MXRA5: variants seen among roughly 807,000 people sequenced by gnomAD.
MXRA5 encodes the protein matrix remodeling associated 5, also known as matrix-remodeling-associated protein 5.
A neutral mutation model predicts 112.5 loss-of-function variants in MXRA5; 41 were observed. The ratio of observed to expected loss-of-function variants is 0.36; its 90% CI spans 0.28 to 0.47. The LOEUF (loss-of-function observed/expected upper bound fraction) is 0.47, where lower values mean the gene tolerates loss of function less well. Among genes scored for constraint, MXRA5 ranks in the 20% least tolerant of loss-of-function variants. The pLI, the probability that MXRA5 is intolerant of heterozygous loss-of-function variation, is 0.99. For synonymous variants in MXRA5, 862 were observed against 900.8 expected (o/e 0.96, Z 0.77); for missense variants, 2,150 against 2,251.0 (o/e 0.96, Z 0.91).
In MXRA5 at chrX:3,317,435, C is replaced by A. The variant is rs1203420931; in HGVS notation, c.6246G>T (p.Val2082=). The A allele has an allele frequency of 6.7e-6, 8 of 1,196,728 alleles. No individual in the cohort carries two copies. The highest frequency in any genetic ancestry group is 1.7e-5 in the African/African-American group (1 of 57,265). The change falls in exon 6 of 7, where the codon GTG becomes GTT. Residue 2082 remains valine (V), a synonymous_variant. Coordinates refer to ENST00000217939, the MANE Select transcript of MXRA5 (RefSeq NM_015419.4). The part of the protein sequence containing the change: ...KAAPLPSVRW[V]LGDGTQIRPS... ...GGCGGATCTGGGTACCGTCCCCGAGCACCCAGCGCACGCTGGGCAGGGGCG... is the reference window on the plus strand; with the variant it reads ...GGCGGATCTGGGTACCGTCCCCGAGAACCCAGCGCACGCTGGGCAGGGGCG...
intron 2 of MXRA5, among the ~76,000 whole-genome samples, chrX:3,336,760 T>C (rs772838370): frequency 6.2e-4 from 70 of 112,377 alleles, no homozygotes; most frequent in Non-Finnish European, 1.5e-4. Context: ...GCCTTCAGGA[T>C]GTAGTGGGCT....
chrX:3,327,809 C>A (rs1343476256), intron 4 of MXRA5, among the ~76,000 whole-genome samples: 1 of 113,068 alleles, frequency 8.8e-6, no homozygotes, highest in East Asian at 2.8e-4. Context: ...GGATTGCAAT[C>A]TTCAGAAATG....
chrX:3,338,834 GATAC>G (rs1921844159), intron 2 of MXRA5, among the ~76,000 whole-genome samples: 1 of 110,275 alleles, frequency 9.1e-6, no homozygotes, highest in Admixed American at 9.7e-5. Context: ...ATGATAGATA[GATAC>G]ATAGATAGGT....
rs1209696540 is a variant in MXRA5 at position 3,309,599 on chromosome X, C to T, written c.*117G>A. ...AAGATCAACCTCAACTTGAAACCCA[C>T]CAGAGGCCACCATGCACTGTGACAC... On this transcript the variant is annotated 3_prime_UTR_variant, in exon 7 of 7. Transcript: ENST00000217939. The T allele has an allele frequency of 4.9e-6, 3 of 609,288 alleles. No homozygotes were observed. The African/African-American group carries it at 6.9e-5, about 14-fold the overall frequency. The allele number at this position is 609,288 out of a possible 1,213,427, so 50.2% of individuals were successfully genotyped here. A position where few individuals can be genotyped will look rare whatever the true frequency, so the allele number is the denominator to read the frequency against.
intron 2 of MXRA5, among the ~76,000 whole-genome samples, chrX:3,338,006 G>A (rs954284999): frequency 1.6e-4 from 18 of 111,397 alleles, no homozygotes; most frequent in African/African-American, 5.9e-4. Flanking sequence ...AGAATCTAAG[G>A]GGAGAATAGG....
Position 3,317,662 on chromosome X carries a change from T to G in MXRA5, c.6019A>C (p.Asn2007His), listed in dbSNP as rs1921185417. Residue 2007 changes from asparagine (N) to histidine (H), a missense_variant, in exon 6 of 7, where the codon AAC (asparagine) becomes CAC (histidine). Physicochemically the swap from Asn to His is moderately conservative, Grantham distance 68. Transcript: ENST00000217939. ...GCCTCCTTGATGGAAAGGGTCCGGTTTTCGTGCAGGGTGATGCGGCCCTCC... is the reference window on the plus strand; with the variant it reads ...GCCTCCTTGATGGAAAGGGTCCGGTGTTCGTGCAGGGTGATGCGGCCCTCC... ...PVEGRITLHE[N>H]RTLSIKEASF... The G allele has an allele frequency of 8.3e-7, 1 of 1,203,065 alleles. No homozygotes were observed. The highest frequency in any genetic ancestry group is 1.7e-5 in the African/African-American group (1 of 57,203).
At chrX:3,330,591 T>A in intron 3 of MXRA5, 53 bp downstream of exon 3, 1 of 1,181,125 alleles carries the variant, frequency 8.5e-7, no homozygotes, top group Non-Finnish European at 1.1e-6. Context: ...TATTCTTTAT[T>A]ACTGGTCTTA....
In MXRA5 at chrX:3,317,325, C is replaced by A; in HGVS notation, c.6356G>T (p.Arg2119Leu). The change falls in exon 6 of 7, where the codon CGC (arginine) becomes CTC (leucine). Residue 2119 changes from arginine (R) to leucine (L), a missense_variant. By Grantham distance (102) the Arg-to-Leu change is moderately radical. This residue lies in a region of MXRA5 where 1,485 missense variants were observed against 1,471.6 expected (regional missense o/e 1.01). Coordinates refer to ENST00000217939, the MANE Select transcript of MXRA5 (RefSeq NM_015419.4). ...IRNLAPKDSG[R>L]YECVAANLVG... Reference sequence around the variant, plus strand: ...CAGGTTGGCGGCCACGCACTCATAGCGCCCGCTGTCCTTGGGCGCGAGGTT... The same window carrying A: ...CAGGTTGGCGGCCACGCACTCATAGAGCCCGCTGTCCTTGGGCGCGAGGTT... The A allele has an allele frequency of 8.3e-7, 1 of 1,207,005 alleles. No individual in the cohort carries two copies. Among genetic ancestry groups the A allele is most frequent in the Non-Finnish European group, 1.1e-6 (1 of 893,102 alleles).
chrX:3,321,775 A>G lies in MXRA5; in HGVS notation c.3910T>C (p.Ser1304Pro). 1.7e-6 allele frequency: 2 copies of G among 1,210,820 alleles called. No homozygotes were observed. Among genetic ancestry groups the G allele is most frequent in the Non-Finnish European group, 2.2e-6 (2 of 894,805 alleles). Reference protein sequence around the residue: ...DYMTTTRKIYSSYPKVQETLP... With the variant: ...DYMTTTRKIYPSYPKVQETLP... Reference sequence around the variant, plus strand: ...GTCTCTTGGACTTTAGGGTAAGATGAATATATTTTTCTGGTGGTTGTCATG... The same window carrying G: ...GTCTCTTGGACTTTAGGGTAAGATGGATATATTTTTCTGGTGGTTGTCATG... The change falls in exon 5 of 7, where the codon TCA becomes CCA. Residue 1304 changes from serine (S) to proline (P), a missense_variant. This residue lies in a region of MXRA5 where 1,485 missense variants were observed against 1,471.6 expected (regional missense o/e 1.01). Transcript: ENST00000217939.
At chrX:3,333,032 G>A (rs1921703321) in intron 2 of MXRA5, among the ~76,000 whole-genome samples, 1 of 110,825 alleles carries the variant, frequency 9.0e-6, no homozygotes, top group East Asian at 2.8e-4. Flanking sequence ...GCTGGGCATG[G>A]CAGCTCATGC....
At chrX:3,315,380 A>AGAAG (rs1454223938) in intron 6 of MXRA5, among the ~76,000 whole-genome samples, 1 of 39,116 alleles carries the variant, frequency 2.6e-5, no homozygotes, top group Non-Finnish European at 4.8e-5. Flanking sequence ...TAGAATAGAT[A>AGAAG]GATAGATAGA....
At chrX:3,329,971 A>G in intron 4 of MXRA5, 47 bp downstream of exon 4, 3 of 1,155,606 alleles carry the variant, frequency 2.6e-6, no homozygotes, top group Non-Finnish European at 3.5e-6. Flanking sequence ...CTCCAAAAAG[A>G]TAAAAGAATG....
chrX:3,325,621 AT>A (rs1318635773), intron 4 of MXRA5, among the ~76,000 whole-genome samples: 1 of 103,931 alleles, frequency 9.6e-6, no homozygotes, highest in African/African-American at 3.4e-5. Context: ...ATGTAGATAT[AT>A]TGACATATAA....
At chrX:3,316,012 T>TAACAAAATTTCATCCCAGCATTTTGG (rs1569181494) in intron 6 of MXRA5, among the ~76,000 whole-genome samples, 12 of 82,882 alleles carry the variant, frequency 1.4e-4, no homozygotes, top group Admixed American at 2.8e-4. Flanking sequence ...GTTAAGAAGT[T>TAACAAAATTTCATCCCAGCATTTTGG]GAGTATTTGT....
rs761604776 is a variant in MXRA5, at chrX:3,310,212, G to C, written c.7991C>G (p.Ala2664Gly). The C allele has an allele frequency of 8.3e-7, 1 of 1,211,899 alleles. No homozygotes were observed. Among genetic ancestry groups the C allele is most frequent in the Non-Finnish European group, 1.1e-6 (1 of 895,454 alleles). The change falls in exon 7 of 7, where the codon GCT becomes GGT. Residue 2664 changes from alanine to glycine, a missense_variant. By Grantham distance (60) the Ala-to-Gly change is moderately conservative (BLOSUM62 0). Transcript: ENST00000217939. ...CGTCCAGGAGAAACGTCCCTGCCCA[G>C]CCCCGGGAGGGGTGCAGGGGAGCTT... ...TLKLPCTPPG[A>G]GQGRFSWTLP... is the part of the protein sequence containing the mutation.
rs773017659 is a variant in MXRA5, at chrX:3,323,426, T to C, written c.2259A>G (p.Glu753=). ...GACCTTCTGCAACATTGGTCTCTGG[T>C]TCTTTTTCCGAATGCTTCCAGAGTT... ...KLKLWKHSEK[E]PETNVAEGRR... Residue 753 remains glutamate (E), a synonymous_variant, in exon 5 of 7, where the codon GAA becomes GAG. Transcript: ENST00000217939. 4.1e-6 allele frequency: 5 copies of C among 1,212,070 alleles called. No homozygotes were observed. The East Asian group carries it at 1.2e-4, about 29-fold the overall frequency.
Position 3,322,141 on chromosome X carries a change from T to G in MXRA5, c.3544A>C (p.Thr1182Pro), listed in dbSNP as rs1461732158. ...ATGTCAGGTGCTTGAGTTGGTTGAG[T>G]AGAAAAAGTCTCTGATGGGGCAAAA... ...TTFAPSETFSTQPTQAPDIKI... is the reference protein window; with the variant it reads ...TTFAPSETFSPQPTQAPDIKI... Residue 1182 changes from threonine to proline, a missense_variant, in exon 5 of 7, where the codon ACT becomes CCT. This residue lies in a region of MXRA5 where 1,485 missense variants were observed against 1,471.6 expected (regional missense o/e 1.01). Transcript: ENST00000217939. The G allele has an allele frequency of 2.5e-6, 3 of 1,198,834 alleles. No homozygotes were observed. In the African/African-American group the frequency reaches 5.3e-5, roughly 21 times the overall value.
In MXRA5 at chrX:3,323,697, G is replaced by A. The variant is rs144916947; in HGVS notation, c.1988C>T (p.Thr663Met). 2.0e-4 allele frequency: 242 copies of A among 1,208,279 alleles called. No homozygotes were observed. In the Middle Eastern group the frequency reaches 2.1e-3, roughly 10 times the overall value. The part of the protein sequence containing the change: ...AVNQQGADHF[T>M]VGITVTKKGS... ...TTTCTTGGTCACTGTGATTCCCACCGTAAAATGGTCTGCCCCTTGCTGGTT... is the reference window on the plus strand; with the variant it reads ...TTTCTTGGTCACTGTGATTCCCACCATAAAATGGTCTGCCCCTTGCTGGTT... Residue 663 changes from threonine (T) to methionine (M), a missense_variant, in exon 5 of 7, where the codon ACG becomes ATG. Around this residue, in one of 6 missense-constraint regions of MXRA5, gnomAD observed 1,485 missense variants for 1,471.6 expected, o/e 1.01. Coordinates refer to ENST00000217939, the MANE Select transcript of MXRA5 (RefSeq NM_015419.4).
Position 3,317,889 on chromosome X carries a change from C to T in MXRA5, c.5792G>A (p.Ser1931Asn). 1 of 1,211,677 alleles carries T rather than the reference C, an allele frequency of 8.3e-7. No homozygotes were observed. The highest frequency in any genetic ancestry group is 1.1e-6 in the Non-Finnish European group (1 of 895,484). The part of the protein sequence containing the change: ...QDRGQYMCTA[S>N]NLHGLDRMVV... Reference sequence around the variant, plus strand: ...CATCCTGTCCAGGCCGTGCAGGTTGCTGGCGGTGCACATATACTGGCCTCG... The same window carrying T: ...CATCCTGTCCAGGCCGTGCAGGTTGTTGGCGGTGCACATATACTGGCCTCG... The change falls in exon 6 of 7, where the codon AGC (serine) becomes AAC (asparagine). Residue 1931 changes from serine (S) to asparagine (N), a missense_variant. Ser to Asn is a conservative substitution (Grantham distance 46, BLOSUM62 1). Around this residue, in one of 6 missense-constraint regions of MXRA5, gnomAD observed 1,485 missense variants for 1,471.6 expected, o/e 1.01. Transcript: ENST00000217939.
Sources: allele counts gnomAD v4.1 joint callset (sites outside exome capture counted in the v4.1 genomes callset), GRCh38; gene constraint gnomAD v4.1.1; regional missense constraint gnomAD v4.1.1; transcripts MANE v1.5; gene names NCBI Gene and HGNC (gene_info 2026-07-23, HGNC 2026-07-21).